Variants in AFF2 observed in about 807,000 individuals in gnomAD.
AFF2 encodes the protein ALF transcription elongation factor 2.
A neutral mutation model predicts 76.9 loss-of-function variants in AFF2; 14 were observed. The ratio of observed to expected loss-of-function variants is 0.18; its 90% CI spans 0.12 to 0.28. The LOEUF is 0.28. Among genes scored for constraint, AFF2 ranks in the 10% least tolerant of loss-of-function variants. The probability of loss-of-function intolerance (pLI) is 1.00; values close to 1 mark genes in which losing one functional copy is unlikely to be tolerated. For missense variants in AFF2, 868 were observed against 1,001.1 expected (o/e 0.87, Z 1.79); for synonymous variants, 398 against 366.7 (o/e 1.09, Z -0.98).
At chrX:148,949,291 G>A (rs1351673706) in intron 9 of AFF2, among the ~76,000 whole-genome samples, 1 of 111,352 alleles carries the variant, frequency 9.0e-6, no homozygotes, top group Non-Finnish European at 1.9e-5. Context: ...ATAGAGTCTA[G>A]GGTGCCCAGA....
intron 9 of AFF2, among the ~76,000 whole-genome samples, chrX:148,939,844 T>TACAC (rs2124318205): frequency 8.9e-6 from 1 of 111,846 alleles, no homozygotes; most frequent in African/African-American, 3.2e-5. Flanking sequence ...CATACATACA[T>TACAC]ACACACACAT....
chrX:148,828,347 G>T (rs782446809), intron 4 of AFF2, among the ~76,000 whole-genome samples: 22 of 111,758 alleles, frequency 2.0e-4, no homozygotes, highest in African/African-American at 7.1e-4. Context: ...TTTTGATACT[G>T]CTCTTTGCAG....
chrX:148,678,142 T>C (rs893292715), intron 3 of AFF2, among the ~76,000 whole-genome samples: 1 of 112,147 alleles, frequency 8.9e-6, no homozygotes, highest in African/African-American at 3.2e-5. Context: ...TATACTTTTG[T>C]ATTTTGAAAT....
At chrX:148,589,612 T>A (rs1557246327) in intron 1 of AFF2, among the ~76,000 whole-genome samples, 1 of 111,957 alleles carries the variant, frequency 8.9e-6, no homozygotes, top group Non-Finnish European at 1.9e-5. Flanking sequence ...CACCAACAGG[T>A]AGGCTTGCAG....
At chrX:148,575,046 A>T (rs1422141637) in intron 1 of AFF2, among the ~76,000 whole-genome samples, 1 of 109,058 alleles carries the variant, frequency 9.2e-6, no homozygotes, top group Non-Finnish European at 1.9e-5. Context: ...AGTAAATGAG[A>T]GTCACATTTT....
intron 9 of AFF2, among the ~76,000 whole-genome samples, chrX:148,940,678 C>T (rs373674569): frequency 9.0e-6 from 1 of 111,279 alleles, no homozygotes; most frequent in Non-Finnish European, 1.9e-5. Context: ...GATTGTCATT[C>T]CTCTTGCTAT....
At chrX:148,982,659 A>G in intron 19 of AFF2, among the ~76,000 whole-genome samples, 1 of 111,980 alleles carries the variant, frequency 8.9e-6, no homozygotes, top group African/African-American at 3.3e-5. Context: ...GAGGTGGTTA[A>G]GGGCTCTGCA....
intron 3 of AFF2, among the ~76,000 whole-genome samples, chrX:148,740,629 T>C (rs1279910229): frequency 8.9e-6 from 1 of 112,331 alleles, no homozygotes; most frequent in African/African-American, 3.2e-5. Context: ...ATAACTAACC[T>C]TCTGAATTCT....
intron 9 of AFF2, among the ~76,000 whole-genome samples, chrX:148,942,759 T>G (rs1161693782): frequency 1.2e-4 from 13 of 105,353 alleles, no homozygotes; most frequent in Non-Finnish European, 2.3e-4. Context: ...GACGTTGCAG[T>G]GAGTCGTGAT....
chrX:148,861,600 T>A (rs782120598), intron 7 of AFF2, among the ~76,000 whole-genome samples: 4 of 111,326 alleles, frequency 3.6e-5, no homozygotes, highest in Non-Finnish European at 7.5e-5. Flanking sequence ...AACTTGGCTA[T>A]AGAATTTTTT....
Position 148,953,814 on chromosome X carries a change from G to GACAC in AFF2, c.1557+94_1557+97dup, listed in dbSNP as rs879970205. 1.2e-4 allele frequency: 77 copies of GACAC among 619,488 alleles called. No homozygotes were observed. In the Middle Eastern group the frequency reaches 1.7e-3, roughly 14 times the overall value. 51.1% of individuals were successfully genotyped at this position (619,488 alleles called of 1,213,427 possible). ...AGCACCCTCAACACACACACACACA[G>GACAC]ACACACACACACACACACACACTTT... On this transcript the variant is annotated intron_variant, in intron 10 of 20. Transcript: ENST00000370460.
intron 1 of AFF2, among the ~76,000 whole-genome samples, chrX:148,629,466 G>A (rs925291835): frequency 6.2e-5 from 7 of 112,009 alleles, no homozygotes; most frequent in African/African-American, 2.3e-4. Context: ...TTGGTAATAT[G>A]TAAATTTATA....
chrX:148,887,115 A>C (rs1557279179), intron 8 of AFF2, among the ~76,000 whole-genome samples: 1 of 112,796 alleles, frequency 8.9e-6, no homozygotes, highest in Admixed American at 9.4e-5. Context: ...AATAATATGT[A>C]AAAAATAATT....
chrX:148,666,442 G>A (rs2054360392), intron 3 of AFF2, among the ~76,000 whole-genome samples: 1 of 110,038 alleles, frequency 9.1e-6, no homozygotes, highest in Non-Finnish European at 1.9e-5. Context: ...AAAAATAGCT[G>A]GCCATGGTGG....
At chrX:148,934,562 A>T (rs1251085154) in intron 9 of AFF2, among the ~76,000 whole-genome samples, 1 of 112,415 alleles carries the variant, frequency 8.9e-6, no homozygotes, top group Non-Finnish European at 1.9e-5. Context: ...ATAAGAATTA[A>T]TTCCAAGTCA....
At chrX:148,629,997 T>A (rs1440058840) in intron 1 of AFF2, among the ~76,000 whole-genome samples, 1 of 111,582 alleles carries the variant, frequency 9.0e-6, no homozygotes, top group Non-Finnish European at 1.9e-5. Flanking sequence ...TATACCCAGG[T>A]TTTTTTAACA....
chrX:148,723,642 A>C (rs1166564592), intron 3 of AFF2, among the ~76,000 whole-genome samples: 1 of 112,075 alleles, frequency 8.9e-6, no homozygotes, highest in African/African-American at 3.2e-5. Flanking sequence ...TTAATCTTCC[A>C]GTGTCAGCTG....
At chrX:148,614,726 TTTC>T (rs1569552159) in intron 1 of AFF2, among the ~76,000 whole-genome samples, 22 of 71,495 alleles carry the variant, frequency 3.1e-4, no homozygotes, top group African/African-American at 7.7e-4. Context: ...TCTTTCTTTC[TTTC>T]TTTCCTTCTT....
chrX:148,604,321 G>T (rs2053653940), intron 1 of AFF2, among the ~76,000 whole-genome samples: 1 of 112,638 alleles, frequency 8.9e-6, no homozygotes, highest in Non-Finnish European at 1.9e-5. Context: ...CAATTGCAAT[G>T]CAATAAATTG....
Sources: gnomAD v4.1 joint callset for allele counts (sites outside exome capture counted in the v4.1 genomes callset) on GRCh38, gnomAD v4.1.1 for gene constraint, MANE v1.5 for transcripts, NCBI Gene and HGNC (gene_info 2026-07-23, HGNC 2026-07-21) for gene names.